NAV3: variants seen among roughly 807,000 people sequenced by gnomAD.
The protein encoded by NAV3 is neuron navigator 3.
NAV3 carries 87 observed loss-of-function variants against 244.7 expected under a neutral mutation model. That is an observed-to-expected ratio of 0.36 (90% CI 0.30 to 0.42). The LOEUF is 0.42. NAV3 is among the 20% of genes least tolerant of loss of function. The pLI is 1.00. For missense variants in NAV3, 2,663 were observed against 2,893.3 expected (o/e 0.92, Z 1.83); for synonymous variants, 1,126 against 1,042.2 (o/e 1.08, Z -1.55).
intron 2 of NAV3, among the ~76,000 whole-genome samples, chr12:77,811,588 C>T: frequency 6.6e-6 from 1 of 152,294 alleles, no homozygotes; most frequent in East Asian, 1.9e-4. Flanking sequence ...GCTTTCCCAG[C>T]ACCTAACATA....
At chr12:78,025,595 C>CAAAAAA (rs1186694789) in intron 9 of NAV3, among the ~76,000 whole-genome samples, 18 of 55,564 alleles carry the variant, frequency 3.2e-4, no homozygotes, top group Non-Finnish European at 4.2e-4. Context: ...GACTCCATCT[C>CAAAAAA]AAAAAAAAAA....
chr12:77,705,846 G>C (rs1320985576), intron 2 of NAV3, among the ~76,000 whole-genome samples: 1 of 151,360 alleles, frequency 6.6e-6, no homozygotes, highest in East Asian at 1.9e-4. Context: ...TGGATTACAG[G>C]TGATTTTTTT....
intron 5 of NAV3, among the ~76,000 whole-genome samples, chr12:77,992,120 C>A (rs997463539): frequency 1.3e-4 from 20 of 152,104 alleles, no homozygotes; most frequent in Admixed American, 1.3e-3. Context: ...TATTGTATGT[C>A]TTTGACCTTT....
intron 22 of NAV3, among the ~76,000 whole-genome samples, chr12:78,150,629 CCTCACACA>C (rs1378683875): frequency 8.2e-5 from 10 of 122,636 alleles, no homozygotes; most frequent in South Asian, 2.7e-4. Flanking sequence ...GCAAAAGCTT[CCTCACACA>C]CACACACACA....
intron 5 of NAV3, among the ~76,000 whole-genome samples, chr12:77,973,235 C>T (rs1482683277): frequency 6.6e-6 from 1 of 151,812 alleles, no homozygotes; most frequent in Non-Finnish European, 1.5e-5. Context: ...TATTAAATCA[C>T]ATGAATAGTT....
intron 12 of NAV3, among the ~76,000 whole-genome samples, chr12:78,110,986 G>T (rs1413964220): frequency 6.6e-6 from 1 of 152,002 alleles, no homozygotes; most frequent in Non-Finnish European, 1.5e-5. Context: ...TGAAGGTGGA[G>T]AATGGAAAGG....
intron 2 of NAV3, among the ~76,000 whole-genome samples, chr12:77,662,223 A>G (rs377751110): frequency 3.5e-5 from 4 of 112,774 alleles, no homozygotes; most frequent in Admixed American, 2.0e-4. Flanking sequence ...CTTCATATCT[A>G]TCTGTCTATC....
chr12:78,102,537 C>A (rs766094915), intron 12 of NAV3, among the ~76,000 whole-genome samples: 1 of 152,194 alleles, frequency 6.6e-6, no homozygotes, highest in Non-Finnish European at 1.5e-5. Flanking sequence ...GATGATGGCC[C>A]TCTTCTCATA....
At chr12:77,843,068 G>T (rs755897623) in intron 1 of NAV3, among the ~76,000 whole-genome samples, 4 of 151,982 alleles carry the variant, frequency 2.6e-5, no homozygotes, top group African/African-American at 4.8e-5. Context: ...ATTTTTGCCA[G>T]AACTTTTTAT....
intron 2 of NAV3, among the ~76,000 whole-genome samples, chr12:77,689,271 C>T (rs1426606939): frequency 6.6e-6 from 1 of 151,922 alleles, no homozygotes; most frequent in Non-Finnish European, 1.5e-5. Context: ...ACATTATATG[C>T]CAGTGTTCAA....
chr12:78,192,042 G>A (rs549990629), intron 34 of NAV3, among the ~76,000 whole-genome samples: 1 of 152,132 alleles, frequency 6.6e-6, no homozygotes, highest in Non-Finnish European at 1.5e-5. Flanking sequence ...AACAAAATAG[G>A]TAATTCCCAT....
At chr12:77,688,476 G>A (rs1302177768) in intron 2 of NAV3, among the ~76,000 whole-genome samples, 1 of 151,936 alleles carries the variant, frequency 6.6e-6, no homozygotes, top group Non-Finnish European at 1.5e-5. Flanking sequence ...TCATTTCCAA[G>A]GCCTAGTCTA....
chr12:77,930,748 T>C (rs1888704067), intron 1 of NAV3, among the ~76,000 whole-genome samples: 2 of 152,208 alleles, frequency 1.3e-5, no homozygotes, highest in Non-Finnish European at 2.9e-5. Context: ...AATATTTTTT[T>C]CTCTTAGAAT....
At chr12:78,200,289 A>G (rs1959513057) in intron 37 of NAV3, among the ~76,000 whole-genome samples, 184 bp from the exon 38 acceptor site, 1 of 152,094 alleles carries the variant, frequency 6.6e-6, no homozygotes, top group African/African-American at 2.4e-5. Flanking sequence ...TTATTGTAAA[A>G]AGATAGAATA....
chr12:77,634,996 A>C (rs2136931503), intron 2 of NAV3, among the ~76,000 whole-genome samples: 1 of 152,228 alleles, frequency 6.6e-6, no homozygotes, highest in South Asian at 2.1e-4. Context: ...TGGGATGCCA[A>C]GGTGGGCAGT....
At chr12:77,961,556 T>TGAC (rs1891994619) in intron 3 of NAV3, among the ~76,000 whole-genome samples, 11 of 143,702 alleles carry the variant, frequency 7.7e-5, no homozygotes, top group African/African-American at 1.5e-4. Flanking sequence ...ATGTAATATA[T>TGAC]ATTATTAAAG....
chr12:77,983,700 T>C (rs1237295145), intron 5 of NAV3, among the ~76,000 whole-genome samples: 1 of 152,130 alleles, frequency 6.6e-6, no homozygotes, highest in Non-Finnish European at 1.5e-5. Context: ...CACAAAACTC[T>C]GGGGACCACA....
chr12:77,591,736 A>G (rs1327908178), intron 2 of NAV3, among the ~76,000 whole-genome samples: 6 of 152,218 alleles, frequency 3.9e-5, no homozygotes, highest in African/African-American at 1.4e-4. Context: ...ATGTATGCCC[A>G]TGTATTTATA....
At chr12:77,872,362 G>A (rs925120899) in intron 1 of NAV3, among the ~76,000 whole-genome samples, 1 of 152,096 alleles carries the variant, frequency 6.6e-6, no homozygotes, top group Non-Finnish European at 1.5e-5. Context: ...AAACATTAAT[G>A]TCATCTAACT....
Sources: allele counts gnomAD v4.1 joint callset (sites outside exome capture counted in the v4.1 genomes callset), GRCh38; gene constraint gnomAD v4.1.1; transcripts MANE v1.5; gene names NCBI Gene and HGNC (gene_info 2026-07-23, HGNC 2026-07-21).